The following TRIO variants were observed in gnomAD, a reference collection of about 807,000 sequenced individuals.
The protein encoded by TRIO is triple functional domain protein.
A neutral mutation model predicts 351.9 loss-of-function variants in TRIO; 58 were observed. The observed-to-expected ratio is 0.16, with a 90% confidence interval of 0.13 to 0.21. The LOEUF (loss-of-function observed/expected upper bound fraction) is 0.21, where lower values mean the gene tolerates loss of function less well. Among genes scored for constraint, TRIO ranks in the 10% least tolerant of loss-of-function variants. The probability of loss-of-function intolerance (pLI) is 1.00; values close to 1 mark genes in which losing one functional copy is unlikely to be tolerated. For missense variants in TRIO, 3,201 were observed against 4,027.8 expected (o/e 0.79, Z 5.56); for synonymous variants, 1,758 against 1,595.7 (o/e 1.10, Z -2.42).
chr5:14,388,241 C>G (rs1375964177), intron 23 of TRIO, among the ~76,000 whole-genome samples: 1 of 152,080 alleles, frequency 6.6e-6, no homozygotes, highest in Non-Finnish European at 1.5e-5. Flanking sequence ...AGTTTTGCCC[C>G]CAATGTGAGG....
rs1386251175 is a variant in TRIO, at chr5:14,508,439, T to C, written c.*17T>C. 1 of 1,563,990 alleles carries C rather than the reference T, an allele frequency of 6.4e-7. No homozygotes were observed. The highest frequency in any genetic ancestry group is 1.4e-5 in the African/African-American group (1 of 73,080). On this transcript the variant is annotated 3_prime_UTR_variant, in exon 57 of 57. Transcript: ENST00000344204. ...AGAGTTTGACCTATCCAGAAGTTCT[T>C]TCTCATTCTCTTTCACCTGCCAATC...
At chr5:14,242,425 T>C (rs180694319) in intron 1 of TRIO, among the ~76,000 whole-genome samples, 2 of 152,376 alleles carry the variant, frequency 1.3e-5, no homozygotes, top group African/African-American at 4.8e-5. Context: ...TCAATTCTTA[T>C]GATTAAAATA....
intron 1 of TRIO, among the ~76,000 whole-genome samples, chr5:14,251,767 G>A (rs1337160044): frequency 6.6e-6 from 1 of 152,170 alleles, no homozygotes; most frequent in Non-Finnish European, 1.5e-5. Context: ...AAGGTGTGAG[G>A]ATGGGGGTGG....
intron 1 of TRIO, 23 bp downstream of exon 1, chr5:14,143,905 C>T (rs1320784251): frequency 8.4e-6 from 9 of 1,065,320 alleles, no homozygotes; most frequent in Non-Finnish European, 9.1e-6. Context: ...GCGGCCGGCC[C>T]GCCCAGCGGC....
chr5:14,174,367 G>A (rs1789282946), intron 1 of TRIO, among the ~76,000 whole-genome samples: 1 of 152,182 alleles, frequency 6.6e-6, no homozygotes, highest in Admixed American at 6.5e-5. Context: ...CTGCGAGTGG[G>A]AACAGGCAAG....
At chr5:14,145,900 G>A (rs1787496359) in intron 1 of TRIO, among the ~76,000 whole-genome samples, 1 of 152,168 alleles carries the variant, frequency 6.6e-6, no homozygotes, top group Non-Finnish European at 1.5e-5. Context: ...TTCATGTTCC[G>A]TTTGGGTCAG....
Position 14,481,272 on chromosome 5 carries a change from A to G in TRIO, c.6375A>G (p.Thr2125=). The G allele has an allele frequency of 4.3e-6, 7 of 1,614,096 alleles. No individual in the cohort carries two copies. Among genetic ancestry groups the G allele is most frequent in the Non-Finnish European group, 5.9e-6 (7 of 1,179,988 alleles). Residue 2125 remains threonine, a synonymous_variant, in exon 44 of 57, where the codon ACA becomes ACG. Coordinates refer to ENST00000344204, the MANE Select transcript of TRIO (RefSeq NM_007118.4). Reference sequence around the variant, plus strand: ...ATTCCAAAAAGGCCAGCCTGGATACATCAGAATTAGAGGTACATGCATCAG... The same window carrying G: ...ATTCCAAAAAGGCCAGCCTGGATACGTCAGAATTAGAGGTACATGCATCAG... ...LKYSKKASLD[T]SELERAVEVM... is the part of the protein sequence containing the mutation.
intron 2 of TRIO, among the ~76,000 whole-genome samples, chr5:14,271,705 AG>A (rs1255107105): frequency 6.6e-6 from 1 of 152,244 alleles, no homozygotes; most frequent in African/African-American, 2.4e-5. Flanking sequence ...ACATGCTTTT[AG>A]ATGAATTTCC....
At chr5:14,351,554 G>T (rs1743115534) in intron 11 of TRIO, among the ~76,000 whole-genome samples, 1 of 152,200 alleles carries the variant, frequency 6.6e-6, no homozygotes, top group Admixed American at 6.5e-5. Flanking sequence ...AACAGCTTCT[G>T]TTCACCAAGT....
intron 1 of TRIO, among the ~76,000 whole-genome samples, chr5:14,251,631 CACTG>C (rs1177738940): frequency 6.6e-6 from 1 of 152,220 alleles, no homozygotes; most frequent in Admixed American, 6.5e-5. Context: ...ATAGGCTCCT[CACTG>C]ACTGGGTGCA....
intron 49 of TRIO, 141 bp from the exon 50 acceptor site, chr5:14,496,738 A>C: frequency 9.2e-7 from 1 of 1,082,026 alleles, no homozygotes; most frequent in Non-Finnish European, 1.3e-6. Flanking sequence ...ATTTTCTCTA[A>C]CAGAGGTCAC....
intron 54 of TRIO, among the ~76,000 whole-genome samples, chr5:14,503,282 A>G (rs1347158426): frequency 3.9e-4 from 60 of 152,224 alleles, no homozygotes; most frequent in Non-Finnish European, 4.4e-5. Context: ...GAACTCCCCC[A>G]GAAACTCCAG....
chr5:14,391,485 A>G (rs1747080037), intron 27 of TRIO, among the ~76,000 whole-genome samples: 1 of 152,384 alleles, frequency 6.6e-6, no homozygotes, highest in South Asian at 2.1e-4. Flanking sequence ...AACAACTAGG[A>G]TAATTAGAAG....
chr5:14,278,028 A>G (rs1226428176), intron 2 of TRIO, among the ~76,000 whole-genome samples: 2 of 152,366 alleles, frequency 1.3e-5, no homozygotes, highest in Middle Eastern at 3.4e-3. Context: ...AGGAAAAGGA[A>G]AAGTGAAAAT....
chr5:14,162,531 C>G (rs1437879017), intron 1 of TRIO, among the ~76,000 whole-genome samples: 1 of 152,194 alleles, frequency 6.6e-6, no homozygotes, highest in Non-Finnish European at 1.5e-5. Flanking sequence ...GCCACATACA[C>G]AGTGTGGTAT....
chr5:14,203,030 A>G (rs1791230952), intron 1 of TRIO, among the ~76,000 whole-genome samples: 1 of 152,134 alleles, frequency 6.6e-6, no homozygotes. Context: ...TTGAGCCATG[A>G]TAAGTTTTGT....
At chr5:14,218,589 A>G (rs112909431) in intron 1 of TRIO, among the ~76,000 whole-genome samples, 10 of 152,358 alleles carry the variant, frequency 6.6e-5, no homozygotes, top group African/African-American at 1.9e-4. Flanking sequence ...GCAAGTCTTA[A>G]GGAGCAGGTG....
chr5:14,477,047 T>G, intron 41 of TRIO, 84 bp downstream of exon 41: 12 of 1,234,140 alleles, frequency 9.7e-6, no homozygotes, highest in Non-Finnish European at 1.4e-5. Flanking sequence ...AGAACTCACT[T>G]ATACTTTATG....
At chr5:14,430,689 A>ATTTTG (rs139775643) in intron 34 of TRIO, among the ~76,000 whole-genome samples, 2 of 134,766 alleles carry the variant, frequency 1.5e-5, no homozygotes, top group South Asian at 2.1e-4. Flanking sequence ...ATTTCGTTTT[A>ATTTTG]TTTTATTTTA....
Sources: gnomAD v4.1 joint callset for allele counts (sites outside exome capture counted in the v4.1 genomes callset) on GRCh38, gnomAD v4.1.1 for gene constraint, MANE v1.5 for transcripts, NCBI Gene and HGNC (gene_info 2026-07-23, HGNC 2026-07-21) for gene names.